The following CCSER1 variants were observed in gnomAD, a reference collection of about 807,000 sequenced individuals.
CCSER1 encodes the protein coiled-coil serine rich protein 1.
CCSER1 carries 41 observed loss-of-function variants against 82.0 expected under a neutral mutation model. That is an observed-to-expected ratio of 0.50 (90% confidence interval 0.39 to 0.65). The LOEUF (loss-of-function observed/expected upper bound fraction) is 0.65. Ranked by LOEUF, CCSER1 falls within the 30% of genes least tolerant of loss-of-function variation. The pLI, the probability that CCSER1 is intolerant of heterozygous loss-of-function variation, is 0.00. For synonymous variants in CCSER1, 414 were observed against 383.9 expected (o/e 1.08, Z -0.92); for missense variants, 1,119 against 1,064.2 (o/e 1.05, Z -0.72).
At chr4:91,079,462 G>C (rs1050932383) in intron 9 of CCSER1, among the ~76,000 whole-genome samples, 3 of 152,136 alleles carry the variant, frequency 2.0e-5, no homozygotes, top group African/African-American at 7.2e-5. Context: ...ACCAGCCACT[G>C]CAAAAACATG....
chr4:90,935,469 A>G (rs1203655898), intron 9 of CCSER1, among the ~76,000 whole-genome samples: 1 of 152,030 alleles, frequency 6.6e-6, no homozygotes, highest in East Asian at 1.9e-4. Context: ...AGCCAAATAA[A>G]CCTTTTTTAA....
chr4:91,139,574 C>A (rs1581629942), intron 10 of CCSER1, among the ~76,000 whole-genome samples: 1 of 152,140 alleles, frequency 6.6e-6, no homozygotes, highest in Non-Finnish European at 1.5e-5. Flanking sequence ...TAGTTAGGAA[C>A]TTTGCAGGAA....
intron 10 of CCSER1, among the ~76,000 whole-genome samples, chr4:91,267,317 T>A (rs1165924186): frequency 3.3e-5 from 5 of 152,170 alleles, no homozygotes; most frequent in African/African-American, 1.2e-4. Flanking sequence ...TTCTCTGTCC[T>A]TTTTCTCTGA....
intron 10 of CCSER1, among the ~76,000 whole-genome samples, chr4:91,560,408 G>A (rs1762599784): frequency 6.6e-6 from 1 of 151,458 alleles, no homozygotes; most frequent in Non-Finnish European, 1.5e-5. Flanking sequence ...GTAATTAAAT[G>A]TTGACTAAAT....
intron 8 of CCSER1, among the ~76,000 whole-genome samples, chr4:90,854,557 A>C (rs1764249342): frequency 6.6e-6 from 1 of 152,146 alleles, no homozygotes; most frequent in Non-Finnish European, 1.5e-5. Flanking sequence ...CGGCTAAGAC[A>C]CTTCCCTGAG....
At chr4:91,179,782 GAT>G (rs1488156442) in intron 10 of CCSER1, among the ~76,000 whole-genome samples, 1 of 152,182 alleles carries the variant, frequency 6.6e-6, no homozygotes, top group Non-Finnish European at 1.5e-5. Flanking sequence ...TGTTATTACA[GAT>G]TGTCTGAAGC....
chr4:91,006,357 T>G (rs1738504410), intron 9 of CCSER1, among the ~76,000 whole-genome samples: 1 of 134,048 alleles, frequency 7.5e-6, no homozygotes, highest in Non-Finnish European at 1.6e-5. Flanking sequence ...CCTGCAATTT[T>G]ACTGAATTCA....
At chr4:91,123,350 A>C (rs1727248718) in intron 10 of CCSER1, among the ~76,000 whole-genome samples, 1 of 151,750 alleles carries the variant, frequency 6.6e-6, no homozygotes, top group Admixed American at 6.6e-5. Context: ...TATTTACCCA[A>C]ATAGTCTACT....
chr4:90,835,128 A>G (rs1283030031), intron 8 of CCSER1, among the ~76,000 whole-genome samples: 6 of 152,202 alleles, frequency 3.9e-5, no homozygotes, highest in South Asian at 4.1e-4. Flanking sequence ...TCAGCAGATT[A>G]AGACCACCCT....
At chr4:91,408,958 A>C (rs891897643) in intron 10 of CCSER1, among the ~76,000 whole-genome samples, 12 of 152,212 alleles carry the variant, frequency 7.9e-5, no homozygotes, top group Non-Finnish European at 1.5e-5. Context: ...CTGGGTGTTC[A>C]TGATCACAAC....
At chr4:91,131,925 C>T (rs761226625) in intron 10 of CCSER1, among the ~76,000 whole-genome samples, 3 of 151,756 alleles carry the variant, frequency 2.0e-5, no homozygotes, top group Middle Eastern at 3.4e-3. Context: ...GATGAATCAT[C>T]GAAAATCTCT....
chr4:91,477,038 C>T (rs1757633546), intron 10 of CCSER1, among the ~76,000 whole-genome samples: 3 of 151,610 alleles, frequency 2.0e-5, no homozygotes, highest in African/African-American at 7.3e-5. Flanking sequence ...CCTCAAAAAA[C>T]ACTAACAACA....
At chr4:91,290,686 A>G (rs1404676538) in intron 10 of CCSER1, among the ~76,000 whole-genome samples, 1 of 152,008 alleles carries the variant, frequency 6.6e-6, no homozygotes, top group East Asian at 1.9e-4. Context: ...ACCAAAATTA[A>G]CATATTCTTT....
At chr4:91,423,656 C>G (rs983481741) in intron 10 of CCSER1, among the ~76,000 whole-genome samples, 2 of 152,036 alleles carry the variant, frequency 1.3e-5, no homozygotes, top group East Asian at 3.9e-4. Flanking sequence ...GAATTGAAAG[C>G]AATTACTGGA....
At chr4:91,270,349 CT>C (rs1374355026) in intron 10 of CCSER1, among the ~76,000 whole-genome samples, 1 of 152,070 alleles carries the variant, frequency 6.6e-6, no homozygotes, top group Non-Finnish European at 1.5e-5. Flanking sequence ...GTATGTTACT[CT>C]TTTCTATACC....
intron 7 of CCSER1, among the ~76,000 whole-genome samples, chr4:90,783,654 C>T (rs1203267035): frequency 6.6e-6 from 1 of 152,134 alleles, no homozygotes; most frequent in Non-Finnish European, 1.5e-5. Context: ...AAGCCTCTTC[C>T]AAGGAGAAAA....
chr4:90,422,572 G>T (rs1350044590), intron 4 of CCSER1, among the ~76,000 whole-genome samples: 2 of 152,006 alleles, frequency 1.3e-5, no homozygotes, highest in Non-Finnish European at 2.9e-5. Flanking sequence ...TCCAGCCTGG[G>T]CAACAGAGTG....
chr4:90,299,072 T>A (rs1321289297), intron 1 of CCSER1, among the ~76,000 whole-genome samples: 5 of 152,220 alleles, frequency 3.3e-5, no homozygotes, highest in Admixed American at 3.3e-4. Context: ...TATAAATGTG[T>A]AACTTATGTC....
At chr4:91,168,122 A>T (rs1560486179) in intron 10 of CCSER1, among the ~76,000 whole-genome samples, 1 of 144,768 alleles carries the variant, frequency 6.9e-6, no homozygotes, top group African/African-American at 2.6e-5. Flanking sequence ...GGAGGTGAGG[A>T]ACGTCTCTGC....
Sources: allele counts gnomAD v4.1 joint callset (sites outside exome capture counted in the v4.1 genomes callset), GRCh38; gene constraint gnomAD v4.1.1; transcripts MANE v1.5; gene names NCBI Gene and HGNC (gene_info 2026-07-23, HGNC 2026-07-21).